Variants in MYO18A observed in about 807,000 individuals in gnomAD.
MYO18A encodes the protein unconventional myosin-XVIIIa.
Under a neutral mutation model 235.8 loss-of-function variants are expected in MYO18A, and 78 were observed. The ratio of observed to expected loss-of-function variants is 0.33; its 90% CI spans 0.28 to 0.40. The LOEUF is 0.40. Ranked by LOEUF, MYO18A falls within the 10% of genes least tolerant of loss-of-function variation. The pLI is 1.00. For synonymous variants in MYO18A, 977 were observed against 1,077.8 expected, an observed-to-expected ratio of 0.91 and a Z score of 1.83; for missense variants, 2,215 against 2,699.3, an observed-to-expected ratio of 0.82 and a Z score of 3.98.
intron 10 of MYO18A, 149 bp from the exon 11 acceptor site, chr17:29,116,604 G>A: frequency 4.0e-6 from 2 of 496,616 alleles, no homozygotes; most frequent in South Asian, 2.1e-5. Flanking sequence ...AGTCAGACTT[G>A]GGACAAACGC....
At chr17:29,094,903 G>C in intron 29 of MYO18A, 33 bp downstream of exon 29, 12 of 1,613,440 alleles carry the variant, frequency 7.4e-6, no homozygotes, top group Non-Finnish European at 1.0e-5. Flanking sequence ...TTGTGAGGGG[G>C]ACAGGGCACA....
Position 29,107,164 on chromosome 17 carries a change from G to A in MYO18A, c.3357C>T (p.Ser1119=), listed in dbSNP as rs376858551. The A allele has an allele frequency of 6.7e-5, 108 of 1,613,956 alleles. No individual in the cohort carries two copies. Among genetic ancestry groups the A allele is most frequent in the African/African-American group, 2.9e-4 (22 of 75,020 alleles). Residue 1119 remains serine (S), a synonymous_variant, in exon 20 of 42, where the codon TCC becomes TCT. Transcript: ENST00000527372. The part of the protein sequence containing the change: ...RQGYPDHMVF[S]EFRRRFDVLA... ...GGACATCAAAGCGGCGGCGGAACTC[G>A]GAAAACACCATGTGGTCAGGGTAAC...
chr17:29,116,613 G>GCACACACACGCGCACA (rs1555532997), intron 10 of MYO18A, among the ~76,000 whole-genome samples, 158 bp from the exon 11 acceptor site: 1 of 144,806 alleles, frequency 6.9e-6, no homozygotes, highest in South Asian at 2.2e-4. Context: ...TGGGACAAAC[G>GCACACACACGCGCACA]CACACACACA....
intron 1 of MYO18A, among the ~76,000 whole-genome samples, chr17:29,168,289 AATCCCAGCCC>A (rs996301187): frequency 1.3e-5 from 2 of 152,074 alleles, no homozygotes; most frequent in Admixed American, 1.3e-4. Context: ...CCTGAAAGAA[AATCCCAGCCC>A]CAGGGTGTGT....
intron 32 of MYO18A, 24 bp from the exon 33 acceptor site, chr17:29,093,025 GT>G: frequency 1.2e-6 from 2 of 1,609,206 alleles, no homozygotes; most frequent in Non-Finnish European, 1.7e-6. Flanking sequence ...AGCAGTTGGG[GT>G]TCTGGGCTCT....
In MYO18A at chr17:29,106,095, G is replaced by C. The variant is rs1165802776; in HGVS notation, c.3441+985C>G. On this transcript the variant is annotated intron_variant, in intron 20 of 41. Coordinates refer to ENST00000527372, the MANE Select transcript of MYO18A (RefSeq NM_078471.4). This position sits in a 1 kb window ranked among gnomAD's most constrained non-coding sequence, Gnocchi z 4.6. The stretch of plus-strand genomic sequence containing the variant: ...GAGCGGGTGTCCTGAGGGGAAGAGA[G>C]GAGTGGGACCAGCAGGCACGAGGCT... Among the ~76,000 whole-genome samples, 1 of 152,232 alleles carries C rather than the reference G, an allele frequency of 6.6e-6. No individual in the cohort carries two copies. Among genetic ancestry groups the C allele is most frequent in the Non-Finnish European group, 1.5e-5 (1 of 68,032 alleles).
In MYO18A at chr17:29,117,878, C is replaced by T. The variant is rs1054629935; in HGVS notation, c.2038+167G>A. Reference sequence around the variant, plus strand: ...CGGGTCGTCACTGCCAAAGATGCTTCCCGGGCCTTCTGCTCTGAAGTGGGG... The same window carrying T: ...CGGGTCGTCACTGCCAAAGATGCTTTCCGGGCCTTCTGCTCTGAAGTGGGG... On this transcript the variant is annotated intron_variant, in intron 10 of 41. Transcript: ENST00000527372. This position sits in a 1 kb window ranked among gnomAD's most constrained non-coding sequence, Gnocchi z 4.6. Among the ~76,000 whole-genome samples the T allele has an allele frequency of 5.9e-5, 9 of 152,194 alleles. No homozygotes were observed. The highest frequency in any genetic ancestry group is 1.9e-4 in the African/African-American group (8 of 41,442).
intron 2 of MYO18A, among the ~76,000 whole-genome samples, chr17:29,147,412 G>C (rs1052685425): frequency 6.6e-6 from 1 of 152,024 alleles, no homozygotes; most frequent in African/African-American, 2.4e-5. Context: ...CAGCTACTTG[G>C]GAGGCTGAAG....
At chr17:29,139,132 C>T (rs1004167172) in intron 2 of MYO18A, among the ~76,000 whole-genome samples, 2 of 151,970 alleles carry the variant, frequency 1.3e-5, no homozygotes, top group African/African-American at 2.4e-5. Context: ...GCCGGGCACC[C>T]GCCTCACTGC....
chr17:29,082,507 G>A lies in MYO18A; in HGVS notation c.5898-69C>T, dbSNP rs978040702. The A allele has an allele frequency of 2.0e-6, 3 of 1,525,996 alleles. No homozygotes were observed. In the Admixed American group the frequency reaches 5.8e-5, roughly 30 times the overall value. The allele number at this position is 1,525,996 out of a possible 1,614,324, so 94.5% of individuals were successfully genotyped here. A position where few individuals can be genotyped will look rare whatever the true frequency, so the allele number is the denominator to read the frequency against. ...TGCTGCCCACGAGGGGAGCAGATGG[G>A]GGTGCAGGGGGTGTCTTGGGCAGGG... is the stretch of plus-strand genomic sequence containing the variant. On this transcript the variant is annotated intron_variant, in intron 40 of 41. Transcript: ENST00000527372.
At chr17:29,079,314 T>C (rs868331943) in intron 41 of MYO18A, among the ~76,000 whole-genome samples, 5 of 152,190 alleles carry the variant, frequency 3.3e-5, no homozygotes, top group African/African-American at 1.2e-4. Context: ...ATTCAGACCC[T>C]GGCAACAACC....
chr17:29,142,847 C>G (rs775346180), intron 2 of MYO18A, among the ~76,000 whole-genome samples: 1 of 152,228 alleles, frequency 6.6e-6, no homozygotes, highest in Non-Finnish European at 1.5e-5. Context: ...CTCACTCACT[C>G]TATCGGCTGG....
intron 21 of MYO18A, among the ~76,000 whole-genome samples, chr17:29,103,050 T>G (rs1011650675): frequency 6.6e-6 from 1 of 152,228 alleles, no homozygotes; most frequent in African/African-American, 2.4e-5. Flanking sequence ...AGGAGTGACG[T>G]GGCAGACTGG....
Position 29,128,609 on chromosome 17 carries a change from A to G in MYO18A, c.1000-6356T>C, listed in dbSNP as rs527385144. On this transcript the variant is annotated intron_variant, in intron 2 of 41. Transcript: ENST00000527372. ...CTGCAGCCCTGCCCATCCCATGCAGAGGGAATAAGAAGGTGTGACCTCACG... is the reference window on the plus strand; with the variant it reads ...CTGCAGCCCTGCCCATCCCATGCAGGGGGAATAAGAAGGTGTGACCTCACG... The G allele has an allele frequency of 3.0e-5, 34 of 1,141,838 alleles. No individual in the cohort carries two copies. The African/African-American group carries it at 4.9e-4, about 16-fold the overall frequency. The allele number at this position is 1,141,838 out of a possible 1,614,324, so 70.7% of individuals were successfully genotyped here. A position where few individuals can be genotyped will look rare whatever the true frequency, so the allele number is the denominator to read the frequency against.
In MYO18A at chr17:29,125,483, AC is replaced by A. The variant is rs1280040463; in HGVS notation, c.1000-3231del. Among the ~76,000 whole-genome samples the A allele has an allele frequency of 6.6e-6, 1 of 152,262 alleles. No individual in the cohort carries two copies. The highest frequency in any genetic ancestry group is 1.5e-5 in the Non-Finnish European group (1 of 68,042). ...CCTTTCTGGGGAGGAAGGCAAGTCA[AC>A]CAGGACTTGGATGTTACCTGTTAGA... On this transcript the variant is annotated intron_variant, in intron 2 of 41. Coordinates refer to ENST00000527372, the MANE Select transcript of MYO18A (RefSeq NM_078471.4). This position sits in a 1 kb window ranked among gnomAD's most constrained non-coding sequence, Gnocchi z 5.1.
intron 33 of MYO18A, 99 bp from the exon 34 acceptor site, chr17:29,092,555 C>T (rs1047978408): frequency 5.0e-6 from 5 of 992,012 alleles, no homozygotes; most frequent in African/African-American, 1.6e-5. Context: ...CCCTCCTTCT[C>T]CTCCTCCATT....
rs751990338 is a variant in MYO18A, at chr17:29,121,822, C to A, written c.1194+29G>T. 11 of 1,601,712 alleles carry A rather than the reference C, an allele frequency of 6.9e-6. No homozygotes were observed. In the South Asian group the frequency reaches 1.2e-4, roughly 18 times the overall value. On this transcript the variant is annotated intron_variant, in intron 4 of 41. Coordinates refer to ENST00000527372, the MANE Select transcript of MYO18A (RefSeq NM_078471.4). This position sits in a 1 kb window ranked among gnomAD's most constrained non-coding sequence, Gnocchi z 4.2. ...TGCCCAGTGCACTCCTGAGCCTCCT[C>A]CCCCACACCCAGCCCCCTGCCCACC...
In MYO18A at chr17:29,086,658, T is replaced by C. The variant is rs999901693; in HGVS notation, c.5713-81A>G. 8 of 1,520,906 alleles carry C rather than the reference T, an allele frequency of 5.3e-6. No homozygotes were observed. The Admixed American group carries it at 7.8e-5, about 15-fold the overall frequency. The allele number at this position is 1,520,906 out of a possible 1,614,324, so 94.2% of individuals were successfully genotyped here. A position where few individuals can be genotyped will look rare whatever the true frequency, so the allele number is the denominator to read the frequency against. Reference sequence around the variant, plus strand: ...CCAGAAGAAGCCTGCTTCAAGTACTTTCCGGTCATGGGGGTGCTACCTGAG... The same window carrying C: ...CCAGAAGAAGCCTGCTTCAAGTACTCTCCGGTCATGGGGGTGCTACCTGAG... On this transcript the variant is annotated intron_variant, in intron 38 of 41. Coordinates refer to ENST00000527372, the MANE Select transcript of MYO18A (RefSeq NM_078471.4).
Position 29,118,220 on chromosome 17 carries a change from C to A in MYO18A, c.1894-31G>T. Reference sequence around the variant, plus strand: ...GAGATAGATGACCTCAAAGGGCTGTCCCTCCCAGCACACCCCCATGAGGCT... The same window carrying A: ...GAGATAGATGACCTCAAAGGGCTGTACCTCCCAGCACACCCCCATGAGGCT... On this transcript the variant is annotated intron_variant, in intron 9 of 41. Coordinates refer to ENST00000527372, the MANE Select transcript of MYO18A (RefSeq NM_078471.4). The surrounding 1 kb of genome is among the most constrained non-coding windows in gnomAD (Gnocchi z 4.2). The A allele has an allele frequency of 6.3e-7, 1 of 1,588,124 alleles. No individual in the cohort carries two copies. Among genetic ancestry groups the A allele is most frequent in the East Asian group, 2.3e-5 (1 of 43,792 alleles).
Sources: allele counts gnomAD v4.1 joint callset (sites outside exome capture counted in the v4.1 genomes callset), GRCh38; gene constraint gnomAD v4.1.1; non-coding constraint Gnocchi (gnomAD v3.1); transcripts MANE v1.5; gene names NCBI Gene and HGNC (gene_info 2026-07-23, HGNC 2026-07-21).